Variants in SLFN11 observed in about 807,000 individuals in gnomAD.
The protein encoded by SLFN11 is schlafen family member 11.
SLFN11 carries 43 observed loss-of-function variants against 53.4 expected under a neutral mutation model. That is an observed-to-expected ratio of 0.80 (90% confidence interval 0.63 to 1.04). The LOEUF (loss-of-function observed/expected upper bound fraction) is 1.04, where lower values mean the gene tolerates loss of function less well. Among genes scored for constraint, SLFN11 ranks in the 50% least tolerant of loss-of-function variants. The pLI is 0.00. For synonymous variants in SLFN11, 389 were observed against 394.7 expected, an observed-to-expected ratio of 0.99 and a Z score of 0.17; for missense variants, 990 against 1,079.1, an observed-to-expected ratio of 0.92 and a Z score of 1.16.
intron 3 of SLFN11, 122 bp downstream of exon 3, chr17:35,366,825 A>G (rs1020519349): frequency 6.6e-6 from 1 of 152,194 alleles, no homozygotes; most frequent in Non-Finnish European, 1.5e-5. Context: ...TAATCCCAGC[A>G]CTTTGGGAGG....
At position 35,350,305 on chromosome 17, in the gene SLFN11, T is replaced by C. The variant is rs1906526014; in HGVS notation, c.*2051A>G. 1 of 144,986 alleles carries C rather than the reference T, an allele frequency of 6.9e-6. No individual in the cohort carries two copies. Among genetic ancestry groups the C allele is most frequent in the South Asian group, 2.3e-4 (1 of 4,406 alleles). The allele number at this position is 144,986 out of a possible 1,614,324, so 9.0% of individuals were successfully genotyped here. ...TTTAAGCACTTATTTTACAAGACCA[T>C]TTTTTTCAGTTTAATGAGACACAAA... On this transcript the variant is annotated 3_prime_UTR_variant, in exon 7 of 7. Transcript: ENST00000685675.
intron 2 of SLFN11, 75 bp downstream of exon 2, chr17:35,367,528 T>G (rs760837235): frequency 1.3e-5 from 2 of 152,104 alleles, no homozygotes; most frequent in Non-Finnish European, 2.9e-5. Context: ...GAAAAGAAAC[T>G]CAGTACACTT....
intron 1 of SLFN11, among the ~76,000 whole-genome samples, chr17:35,369,350 T>C (rs1407247328): frequency 6.6e-6 from 1 of 152,060 alleles, no homozygotes; most frequent in Non-Finnish European, 1.5e-5. Context: ...CGTGGTTGTG[T>C]TGGCCACAGG....
intron 5 of SLFN11, among the ~76,000 whole-genome samples, chr17:35,357,270 CATGGTCATTT>C (rs1236323140): frequency 6.6e-6 from 1 of 151,470 alleles, no homozygotes; most frequent in African/African-American, 2.4e-5. Context: ...TTCTACTGGT[CATGGTCATTT>C]GACTTTGTTC....
At chr17:35,362,111 C>G (rs890983431) in intron 4 of SLFN11, among the ~76,000 whole-genome samples, 2 of 152,026 alleles carry the variant, frequency 1.3e-5, no homozygotes, top group Admixed American at 6.5e-5. Flanking sequence ...GAAGAGATCC[C>G]TCGTTCATAG....
chr17:35,353,084 C>G lies in SLFN11; in HGVS notation c.1978G>C (p.Glu660Gln), dbSNP rs761696206. 4 of 1,614,126 alleles carry G rather than the reference C, an allele frequency of 2.5e-6. No individual in the cohort carries two copies. Among genetic ancestry groups the G allele is most frequent in the Non-Finnish European group, 2.5e-6 (3 of 1,180,026 alleles). ...TCAATGACGATGTGTTGAATGTGTT[C>G]AAAGTTTTCTCTTAGGAAAGTTTTC... ...TRKTFLRENF[E>Q]HIQHIVIDEA... The change falls in exon 7 of 7, where the codon GAA becomes CAA. Residue 660 changes from glutamate (E) to glutamine (Q), a missense_variant. Transcript: ENST00000685675.
At chr17:35,356,177 G>C (rs1348182788) in intron 5 of SLFN11, among the ~76,000 whole-genome samples, 2 of 152,030 alleles carry the variant, frequency 1.3e-5, no homozygotes, top group African/African-American at 4.8e-5. Context: ...GAGAAGCACT[G>C]ACAGCATTGA....
At chr17:35,367,830 TGGTTTCCATTTATTAGCTGTAC>T (rs1567827656) in intron 1 of SLFN11, 130 bp from the exon 2 acceptor site, 26 of 152,216 alleles carry the variant, frequency 1.7e-4, no homozygotes, top group African/African-American at 5.1e-4. Flanking sequence ...ATTAGCTGTA[TGGTTTCCATTTATTAGCTGTAC>T]GGTTTCCATT....
At position 35,350,736 on chromosome 17, in the gene SLFN11, G is replaced by A. The variant is rs1003971869; in HGVS notation, c.*1620C>T. The A allele has an allele frequency of 6.6e-6, 1 of 152,168 alleles. No individual in the cohort carries two copies. The highest frequency in any genetic ancestry group is 1.9e-4 in the East Asian group (1 of 5,194). 9.4% of individuals were successfully genotyped at this position (152,168 alleles called of 1,614,324 possible). On this transcript the variant is annotated 3_prime_UTR_variant, in exon 7 of 7. Transcript: ENST00000685675. ...AAGTTAGGAGAGCCTGCAATTTCAA[G>A]CCCAGATAACTGGAATTCCATGAAT...
chr17:35,368,663 C>T (rs1025344894), intron 1 of SLFN11, among the ~76,000 whole-genome samples: 5 of 152,108 alleles, frequency 3.3e-5, no homozygotes, highest in Admixed American at 6.6e-5. Context: ...CCAGCTGGGG[C>T]GACTAAGAGA....
rs148267366 is a variant in SLFN11 at position 35,353,371 on chromosome 17, G to T, written c.1887C>A (p.Tyr629Ter). Residue 629 changes from tyrosine (Y) to a stop codon, truncating the protein, a stop_gained, in exon 6 of 7, where the codon TAC (tyrosine) becomes TAA (stop). Transcript: ENST00000685675. LOFTEE classifies it low-confidence loss of function (END_TRUNC). ...TCCTCAGAGGCTGGTTTTCACAAAC[G>T]TAGAGAATTCTGTGTGCCTCACAGT... ...VFHCEAHRIL[Y>*]VCENQPLRNF... is the part of the protein sequence containing the mutation. 1.0e-5 allele frequency: 16 copies of T among 1,607,308 alleles called. No homozygotes were observed. Among genetic ancestry groups the T allele is most frequent in the Admixed American group, 3.4e-5 (2 of 58,898 alleles).
intron 1 of SLFN11, among the ~76,000 whole-genome samples, chr17:35,369,519 C>T (rs1378463478): frequency 1.3e-5 from 2 of 152,076 alleles, no homozygotes; most frequent in Non-Finnish European, 2.9e-5. Context: ...GTGAACCCAC[C>T]TAGGGCCTGG....
At chr17:35,368,828 G>A (rs1480628486) in intron 1 of SLFN11, among the ~76,000 whole-genome samples, 1 of 152,062 alleles carries the variant, frequency 6.6e-6, no homozygotes, top group Admixed American at 6.5e-5. Context: ...TAGCACATTG[G>A]TCAGGGTCAT....
rs372032559 is a variant in SLFN11, at chr17:35,362,736, T to C, written c.1069+3A>G. On this transcript the variant is annotated splice_donor_region_variant and intron_variant, in intron 4 of 6. Transcript: ENST00000685675. ...AGGGAGGGAGGAGCTTTCTCCCTCT[T>C]ACCTGGATCTGTGTCTGTCATCATG... is the stretch of plus-strand genomic sequence containing the variant. 1 of 1,542,514 alleles carries C rather than the reference T, an allele frequency of 6.5e-7. No individual in the cohort carries two copies. The highest frequency in any genetic ancestry group is 8.7e-7 in the Non-Finnish European group (1 of 1,145,898).
In SLFN11 at chr17:35,353,891, C is replaced by A. The variant is rs1907115150; in HGVS notation, c.1367G>T (p.Gly456Val). The A allele has an allele frequency of 6.2e-7, 1 of 1,613,670 alleles. No individual in the cohort carries two copies. The highest frequency in any genetic ancestry group is 8.5e-7 in the Non-Finnish European group (1 of 1,179,932). Residue 456 changes from glycine to valine, a missense_variant, in exon 6 of 7, where the codon GGA becomes GTA. Physicochemically the swap from Gly to Val is moderately radical, Grantham distance 109. Around this residue, in one of 3 missense-constraint regions of SLFN11, gnomAD observed 156 missense variants for 241.9 expected, o/e 0.64. Coordinates refer to ENST00000685675, the MANE Select transcript of SLFN11 (RefSeq NM_001376007.1). ...AVDLNLQEKPGVICDALLIAQ... is the reference protein window; with the variant it reads ...AVDLNLQEKPVVICDALLIAQ... ...TATCAGCAGAGCATCACAGATGACTCCTGGCTTCTCCTGCAAGTTCAGGTC... is the reference window on the plus strand; with the variant it reads ...TATCAGCAGAGCATCACAGATGACTACTGGCTTCTCCTGCAAGTTCAGGTC...
At position 35,363,165 on chromosome 17, in the gene SLFN11, ACT is replaced by A. The variant is rs762803643; in HGVS notation, c.641_642del (p.Glu214ValfsTer2). 9.3e-6 allele frequency: 15 copies of A among 1,613,746 alleles called. No homozygotes were observed. In the East Asian group the frequency reaches 3.3e-4, roughly 36 times the overall value. On this transcript the variant is annotated frameshift_variant, in exon 4 of 7. Coordinates refer to ENST00000685675, the MANE Select transcript of SLFN11 (RefSeq NM_001376007.1). LOFTEE classifies it high-confidence loss of function. ...ILPFPESQLV[E>X]FKQFSTKHFQ... ...AAGTGTTTTGTAGAGAACTGTTTAA[ACT>A]CTACTAACTGAGACTCAGGAAAAGG...
Position 35,353,077 on chromosome 17 carries a change from A to C in SLFN11, c.1985T>G (p.Ile662Ser). The stretch of plus-strand genomic sequence containing the variant: ...AGCTTCGTCAATGACGATGTGTTGA[A>C]TGTGTTCAAAGTTTTCTCTTAGGAA... ...KTFLRENFEH[I>S]QHIVIDEAQN... Residue 662 changes from isoleucine to serine, a missense_variant, in exon 7 of 7, where the codon ATT becomes AGT. Around this residue, in one of 3 missense-constraint regions of SLFN11, gnomAD observed 313 missense variants for 320.9 expected, o/e 0.98. Coordinates refer to ENST00000685675, the MANE Select transcript of SLFN11 (RefSeq NM_001376007.1). 1 of 1,614,174 alleles carries C rather than the reference A, an allele frequency of 6.2e-7. No individual in the cohort carries two copies. The highest frequency in any genetic ancestry group is 1.1e-5 in the South Asian group (1 of 91,088).
chr17:35,364,378 C>G, intron 3 of SLFN11, among the ~76,000 whole-genome samples: 1 of 152,076 alleles, frequency 6.6e-6, no homozygotes, highest in East Asian at 1.9e-4. Flanking sequence ...AAGTCACCTG[C>G]ACAGAGGTCT....
At position 35,352,314 on chromosome 17, in the gene SLFN11, C is replaced by CA; in HGVS notation, c.*41dup. On this transcript the variant is annotated 3_prime_UTR_variant, in exon 7 of 7. Coordinates refer to ENST00000685675, the MANE Select transcript of SLFN11 (RefSeq NM_001376007.1). Reference sequence around the variant, plus strand: ...AAGGTTTCTACCATCAGCAGACTGTCACCCATAGACATTTACATAGCATTT... The same window carrying CA: ...AAGGTTTCTACCATCAGCAGACTGTCAACCCATAGACATTTACATAGCATTT... 1.3e-6 allele frequency: 2 copies of CA among 1,598,384 alleles called. No homozygotes were observed. The highest frequency in any genetic ancestry group is 1.7e-6 in the Non-Finnish European group (2 of 1,169,162).
Sources: gnomAD v4.1 joint callset for allele counts (sites outside exome capture counted in the v4.1 genomes callset) on GRCh38, gnomAD v4.1.1 for gene constraint, gnomAD v4.1.1 regional missense constraint, MANE v1.5 for transcripts, NCBI Gene and HGNC (gene_info 2026-07-23, HGNC 2026-07-21) for gene names.